PLPPR1: variants seen among roughly 807,000 people sequenced by gnomAD.
PLPPR1 encodes phospholipid phosphatase-related protein type 1.
PLPPR1 carries 10 observed loss-of-function variants against 33.1 expected under a neutral mutation model. The observed-to-expected ratio is 0.30, with a 90% CI of 0.19 to 0.51. The LOEUF (loss-of-function observed/expected upper bound fraction) is 0.51, where lower values mean the gene tolerates loss of function less well. PLPPR1 is among the 20% of genes least tolerant of loss of function. The pLI is 0.97. For missense variants in PLPPR1, 304 were observed against 408.1 expected, an observed-to-expected ratio of 0.74 and a Z score of 2.20; for synonymous variants, 151 against 151.0, an observed-to-expected ratio of 1.00 and a Z score of 0.00.
At chr9:101,058,067 G>C (rs756048190) in intron 1 of PLPPR1, among the ~76,000 whole-genome samples, 1 of 152,098 alleles carries the variant, frequency 6.6e-6, no homozygotes, top group Non-Finnish European at 1.5e-5. Flanking sequence ...GGAAAGTGTG[G>C]AACCAGAGCC....
chr9:101,233,548 G>A (rs976263604), intron 2 of PLPPR1, among the ~76,000 whole-genome samples: 4 of 151,886 alleles, frequency 2.6e-5, no homozygotes, highest in Non-Finnish European at 4.4e-5. Flanking sequence ...TAAGACGTAG[G>A]ACTTTTGAGA....
intron 3 of PLPPR1, among the ~76,000 whole-genome samples, chr9:101,272,556 G>T (rs1001709670): frequency 6.6e-6 from 1 of 152,072 alleles, no homozygotes; most frequent in African/African-American, 2.4e-5. Flanking sequence ...CTGCAAAAAA[G>T]TTTGCCACAT....
At chr9:101,317,103 T>C (rs1829068666) in intron 6 of PLPPR1, among the ~76,000 whole-genome samples, 1 of 152,188 alleles carries the variant, frequency 6.6e-6, no homozygotes, top group African/African-American at 2.4e-5. Flanking sequence ...TCTTTAATCA[T>C]TACAAATCTG....
chr9:101,100,979 G>C (rs1183617101), intron 1 of PLPPR1, among the ~76,000 whole-genome samples: 2 of 152,112 alleles, frequency 1.3e-5, no homozygotes, highest in African/African-American at 4.8e-5. Context: ...CCAGTGTGCA[G>C]TATTGTGTAT....
At chr9:101,051,818 G>A (rs1214844928) in intron 1 of PLPPR1, among the ~76,000 whole-genome samples, 1 of 152,062 alleles carries the variant, frequency 6.6e-6, no homozygotes, top group Non-Finnish European at 1.5e-5. Flanking sequence ...ACACGCATTG[G>A]TGATAACCTC....
chr9:101,175,945 G>C (rs764601152), intron 1 of PLPPR1, among the ~76,000 whole-genome samples: 9 of 152,200 alleles, frequency 5.9e-5, no homozygotes, highest in Admixed American at 1.3e-4. Context: ...ACTCAAGAGA[G>C]AGAAAAGCCA....
chr9:101,241,577 TTGACTGGGGACAC>T (rs578155495), intron 2 of PLPPR1, among the ~76,000 whole-genome samples: 150 of 152,194 alleles, frequency 9.9e-4, no homozygotes, highest in African/African-American at 3.4e-3. Context: ...TGGTTAGCCA[TTGACTGGGGACAC>T]CTAAGAATGT....
intron 2 of PLPPR1, among the ~76,000 whole-genome samples, chr9:101,256,667 C>T (rs751810026): frequency 6.6e-6 from 1 of 152,064 alleles, no homozygotes; most frequent in Non-Finnish European, 1.5e-5. Flanking sequence ...ATGACATATG[C>T]ATAATAGTGA....
intron 2 of PLPPR1, among the ~76,000 whole-genome samples, chr9:101,266,791 TC>T (rs952509971): frequency 6.6e-6 from 1 of 152,364 alleles, no homozygotes; most frequent in African/African-American, 2.4e-5. Context: ...TTTAAGAGCT[TC>T]CATTCCTTGT....
chr9:101,136,141 T>C (rs529790753), intron 1 of PLPPR1, among the ~76,000 whole-genome samples: 1 of 152,342 alleles, frequency 6.6e-6, no homozygotes, highest in East Asian at 1.9e-4. Flanking sequence ...CCTCCTCTTC[T>C]TCCCTCCTTT....
At chr9:101,300,197 A>T (rs1828726904) in intron 4 of PLPPR1, among the ~76,000 whole-genome samples, 1 of 152,086 alleles carries the variant, frequency 6.6e-6, no homozygotes, top group Admixed American at 6.6e-5. Context: ...TTTCTGAGAC[A>T]GGGTCTTACT....
chr9:101,237,852 G>GTT (rs1332940848), intron 2 of PLPPR1, among the ~76,000 whole-genome samples: 1 of 122,658 alleles, frequency 8.2e-6, no homozygotes, highest in African/African-American at 3.3e-5. Context: ...ATATGTGTGT[G>GTT]TGTATATATA....
intron 4 of PLPPR1, among the ~76,000 whole-genome samples, chr9:101,299,530 T>C (rs1828709270): frequency 6.6e-6 from 1 of 152,134 alleles, no homozygotes; most frequent in Non-Finnish European, 1.5e-5. Context: ...GCCAGAATAT[T>C]ACAGATCTGA....
In PLPPR1 at chr9:101,181,689, C is replaced by A. The variant is rs111857440; in HGVS notation, c.-45-3761C>A. On this transcript the variant is annotated intron_variant, in intron 1 of 7. Transcript: ENST00000374874. ...ATGTATATATATGTATATACACACA[C>A]ACATACATATATACACACACCAAAT... Among the ~76,000 whole-genome samples, 333 of 144,816 alleles carry A rather than the reference C, an allele frequency of 2.3e-3. 3 individuals carry two copies. The highest frequency in any genetic ancestry group is 7.5e-3 in the African/African-American group (296 of 39,282).
intron 1 of PLPPR1, among the ~76,000 whole-genome samples, chr9:101,069,448 A>G (rs1001144696): frequency 1.3e-5 from 2 of 152,134 alleles, no homozygotes; most frequent in African/African-American, 4.8e-5. Context: ...ATAACCGAGC[A>G]GTATCAGTGG....
At chr9:101,174,438 T>G (rs1260581683) in intron 1 of PLPPR1, among the ~76,000 whole-genome samples, 1 of 152,216 alleles carries the variant, frequency 6.6e-6, no homozygotes, top group Non-Finnish European at 1.5e-5. Context: ...GGTCTGTGAC[T>G]TGACCACTAG....
At chr9:101,080,608 T>C (rs565433525) in intron 1 of PLPPR1, among the ~76,000 whole-genome samples, 2 of 152,256 alleles carry the variant, frequency 1.3e-5, no homozygotes, top group South Asian at 4.2e-4. Context: ...AATACTGATA[T>C]CAATATCTTT....
At chr9:101,157,943 G>A (rs1263206493) in intron 1 of PLPPR1, among the ~76,000 whole-genome samples, 1 of 152,162 alleles carries the variant, frequency 6.6e-6, no homozygotes, top group Non-Finnish European at 1.5e-5. Context: ...GGTGGAGGTT[G>A]CAGTGAGCCA....
chr9:101,144,745 G>A (rs1283964015), intron 1 of PLPPR1, among the ~76,000 whole-genome samples: 1 of 152,180 alleles, frequency 6.6e-6, no homozygotes, highest in African/African-American at 2.4e-5. Context: ...AACATTTTCA[G>A]TTGATGTTGA....
Sources: gnomAD v4.1 joint callset for allele counts (sites outside exome capture counted in the v4.1 genomes callset) on GRCh38, gnomAD v4.1.1 for gene constraint, MANE v1.5 for transcripts, NCBI Gene and HGNC (gene_info 2026-07-23, HGNC 2026-07-21) for gene names.